The following CYP7B1 variants were observed in gnomAD, a reference collection of about 807,000 sequenced individuals.
The protein encoded by CYP7B1 is cytochrome P450 family 7 subfamily B member 1, also known as cytochrome P450 7B1.
In CYP7B1, 29 loss-of-function variants were observed where a neutral mutation model predicts 42.7. The observed-to-expected ratio is 0.68, with a 90% CI of 0.51 to 0.93. The LOEUF is 0.93. CYP7B1 is among the 40% of genes least tolerant of loss of function. The pLI is 0.00. For missense variants in CYP7B1, 655 were observed against 600.5 expected, an observed-to-expected ratio of 1.09 and a Z score of -0.95; for synonymous variants, 235 against 218.2, an observed-to-expected ratio of 1.08 and a Z score of -0.68.
chr8:64,696,908 C>T (rs149896056), intron 1 of CYP7B1, among the ~76,000 whole-genome samples: 171 of 152,260 alleles, frequency 1.1e-3, no homozygotes, highest in African/African-American at 3.8e-3. Context: ...GACTTAACAG[C>T]TCAATTCTGG....
At chr8:64,793,808 T>C (rs530250452) in intron 1 of CYP7B1, among the ~76,000 whole-genome samples, 1 of 152,030 alleles carries the variant, frequency 6.6e-6, no homozygotes, top group African/African-American at 2.4e-5. Context: ...AACTTAAAGA[T>C]ACATATAAGC....
chr8:64,730,226 TA>T (rs1807388272), intron 1 of CYP7B1, among the ~76,000 whole-genome samples: 1 of 151,664 alleles, frequency 6.6e-6, no homozygotes, highest in South Asian at 2.1e-4. Context: ...CATGTCCGGC[TA>T]ATTTTTTTTT....
intron 1 of CYP7B1, among the ~76,000 whole-genome samples, chr8:64,646,743 T>C (rs1417179812): frequency 6.6e-6 from 1 of 152,234 alleles, no homozygotes; most frequent in Non-Finnish European, 1.5e-5. Flanking sequence ...GTTATGGAGA[T>C]GGTGTCTTTC....
At chr8:64,687,131 A>C (rs1309005262) in intron 1 of CYP7B1, among the ~76,000 whole-genome samples, 1 of 145,480 alleles carries the variant, frequency 6.9e-6, no homozygotes, top group East Asian at 1.9e-4. Context: ...TCAATAAAAA[A>C]ATAAATTTAA....
intron 1 of CYP7B1, among the ~76,000 whole-genome samples, chr8:64,648,623 A>G (rs944243753): frequency 6.6e-6 from 1 of 152,168 alleles, no homozygotes; most frequent in African/African-American, 2.4e-5. Flanking sequence ...ATAATAATTA[A>G]TTCATTCTGT....
chr8:64,697,846 A>G (rs539061510), intron 1 of CYP7B1, among the ~76,000 whole-genome samples: 2 of 152,344 alleles, frequency 1.3e-5, no homozygotes, highest in East Asian at 1.9e-4. Context: ...CTTCAGAGTC[A>G]ATACAAACCA....
At chr8:64,621,252 A>G (rs1351696793) in intron 2 of CYP7B1, among the ~76,000 whole-genome samples, 1 of 152,224 alleles carries the variant, frequency 6.6e-6, no homozygotes, top group Non-Finnish European at 1.5e-5. Flanking sequence ...TCTAGACTAA[A>G]TGTTGACAAT....
At chr8:64,711,787 A>T (rs1177237165) in intron 1 of CYP7B1, among the ~76,000 whole-genome samples, 1 of 152,322 alleles carries the variant, frequency 6.6e-6, no homozygotes, top group East Asian at 1.9e-4. Flanking sequence ...GCTCAGAAAG[A>T]TATCTACTCA....
rs116309491 is a variant in CYP7B1, at chr8:64,711,816, C to T, written c.122+86650G>A. Among the ~76,000 whole-genome samples the T allele has an allele frequency of 2.7e-3, 406 of 152,286 alleles. 4 individuals carry two copies. The highest frequency in any genetic ancestry group is 9.0e-3 in the African/African-American group (375 of 41,554). ...CTACTCAGTCATCAAATCAACAATGCTAATTGCAATTTACAATGTGCAGTG... is the reference window on the plus strand; with the variant it reads ...CTACTCAGTCATCAAATCAACAATGTTAATTGCAATTTACAATGTGCAGTG... On this transcript the variant is annotated intron_variant, in intron 1 of 5. Coordinates refer to ENST00000310193, the MANE Select transcript of CYP7B1 (RefSeq NM_004820.5).
chr8:64,749,205 T>C (rs7836155), intron 1 of CYP7B1, among the ~76,000 whole-genome samples: 151,141 of 152,160 alleles, frequency 0.99, 75,065 homozygotes, highest in East Asian at 1. Context: ...CTCAGCCTCC[T>C]GAGTAGCTGG....
In CYP7B1 at chr8:64,619,001, C is replaced by T. The variant is rs529045907; in HGVS notation, c.260-2720G>A. Among the ~76,000 whole-genome samples, 241 of 152,054 alleles carry T rather than the reference C, an allele frequency of 1.6e-3. 1 individual carries two copies. The highest frequency in any genetic ancestry group is 3.5e-4 in the Non-Finnish European group (24 of 67,954). On this transcript the variant is annotated intron_variant, in intron 2 of 5. Coordinates refer to ENST00000310193, the MANE Select transcript of CYP7B1 (RefSeq NM_004820.5). The stretch of plus-strand genomic sequence containing the variant: ...TTCAGAAGAAGATGTTTTGATTTTC[C>T]GGATTTTACTTTTCATGTGGGTTTG...
At chr8:64,668,284 G>A (rs1262838631) in intron 1 of CYP7B1, among the ~76,000 whole-genome samples, 1 of 152,070 alleles carries the variant, frequency 6.6e-6, no homozygotes, top group Non-Finnish European at 1.5e-5. Flanking sequence ...ATATCTTAGC[G>A]ACCATCTATC....
chr8:64,675,360 T>C (rs572735505), intron 1 of CYP7B1, among the ~76,000 whole-genome samples: 1 of 151,762 alleles, frequency 6.6e-6, no homozygotes, highest in South Asian at 2.1e-4. Flanking sequence ...TTTATTTATA[T>C]TTAAAATTTT....
In CYP7B1 at chr8:64,719,365, C is replaced by T. The variant is rs549279379; in HGVS notation, c.122+79101G>A. 2.6e-5 allele frequency among the ~76,000 whole-genome samples: 4 copies of T among 152,222 alleles called. No homozygotes were observed. In the East Asian group the frequency reaches 7.7e-4, roughly 29 times the overall value. On this transcript the variant is annotated intron_variant, in intron 1 of 5. Coordinates refer to ENST00000310193, the MANE Select transcript of CYP7B1 (RefSeq NM_004820.5). ...TAAATCAGTAGTGAGTGCAGCGATTCATGTATTATTAAGTTAATTGTCTGT... is the reference window on the plus strand; with the variant it reads ...TAAATCAGTAGTGAGTGCAGCGATTTATGTATTATTAAGTTAATTGTCTGT...
intron 1 of CYP7B1, among the ~76,000 whole-genome samples, chr8:64,693,454 G>C (rs1806778808): frequency 6.6e-6 from 1 of 152,194 alleles, no homozygotes. Flanking sequence ...GCATAGCTCA[G>C]TACCATACCT....
intron 1 of CYP7B1, among the ~76,000 whole-genome samples, chr8:64,697,938 C>G (rs1806854848): frequency 6.6e-6 from 1 of 152,188 alleles, no homozygotes. Context: ...ACAGGGCTCA[C>G]ATAGACCAGA....
intron 1 of CYP7B1, among the ~76,000 whole-genome samples, chr8:64,763,653 C>T (rs941710007): frequency 1.3e-4 from 20 of 152,224 alleles, no homozygotes; most frequent in Non-Finnish European, 2.5e-4. Flanking sequence ...TTTCTAACAA[C>T]CCCCAACTCT....
At chr8:64,752,396 G>A (rs1332117273) in intron 1 of CYP7B1, among the ~76,000 whole-genome samples, 16 of 70,454 alleles carry the variant, frequency 2.3e-4, no homozygotes, top group East Asian at 2.1e-3. Flanking sequence ...GTGCATGTGC[G>A]TGTGTGTGTG....
chr8:64,726,273 C>A (rs1178668881), intron 1 of CYP7B1, among the ~76,000 whole-genome samples: 1 of 152,148 alleles, frequency 6.6e-6, no homozygotes, highest in Non-Finnish European at 1.5e-5. Flanking sequence ...GGCCCATAGG[C>A]TAGCCCCATA....
Sources: allele counts gnomAD v4.1 joint callset (sites outside exome capture counted in the v4.1 genomes callset), GRCh38; gene constraint gnomAD v4.1.1; transcripts MANE v1.5; gene names NCBI Gene and HGNC (gene_info 2026-07-23, HGNC 2026-07-21).